PGR: variants seen among roughly 807,000 people sequenced by gnomAD.
PGR encodes the protein nuclear receptor subfamily 3 group C member 3.
Under a neutral mutation model 76.1 loss-of-function variants are expected in PGR, and 25 were observed. The observed-to-expected ratio is 0.33, with a 90% CI of 0.24 to 0.46. PGR has a LOEUF of 0.46. Among genes scored for constraint, PGR ranks in the 20% least tolerant of loss-of-function variants. The pLI is 1.00. For missense variants in PGR, 1,172 were observed against 1,225.3 expected (o/e 0.96, Z 0.65); for synonymous variants, 579 against 535.0 (o/e 1.08, Z -1.14).
At chr11:101,074,775 G>A (rs1429264228) in intron 3 of PGR, among the ~76,000 whole-genome samples, 1 of 152,136 alleles carries the variant, frequency 6.6e-6, no homozygotes, top group African/African-American at 2.4e-5. Flanking sequence ...CACGAGAAAT[G>A]TGAAGGACCC....
chr11:101,102,617 T>C (rs1377874639), intron 2 of PGR, among the ~76,000 whole-genome samples: 1 of 152,034 alleles, frequency 6.6e-6, no homozygotes, highest in Non-Finnish European at 1.5e-5. Context: ...AATATCTTCA[T>C]GAAGATCCAA....
At chr11:101,081,573 G>T (rs1861309570) in intron 3 of PGR, among the ~76,000 whole-genome samples, 1 of 152,152 alleles carries the variant, frequency 6.6e-6, no homozygotes, top group Non-Finnish European at 1.5e-5. Flanking sequence ...CTCAGCAGAG[G>T]TTTGCAAGCT....
intron 2 of PGR, among the ~76,000 whole-genome samples, chr11:101,092,559 T>C (rs749342852): frequency 1.3e-5 from 2 of 152,142 alleles, no homozygotes; most frequent in Non-Finnish European, 2.9e-5. Flanking sequence ...GTATAGACAA[T>C]ACACATCGCA....
At position 101,128,781 on chromosome 11, in the gene PGR, C is replaced by A; in HGVS notation, c.290G>T (p.Gly97Val). The change falls in exon 1 of 8, where the codon GGA becomes GTA. Residue 97 changes from glycine to valine, a missense_variant. Gly to Val is a moderately radical substitution (Grantham distance 109). This residue lies in a region of PGR where 893 missense variants were observed against 785.9 expected (regional missense o/e 1.14). Coordinates refer to ENST00000325455, the MANE Select transcript of PGR (RefSeq NM_000926.4). The stretch of plus-strand genomic sequence containing the variant: ...TTCTGGGGGACTAGAACTGCTGCCT[C>A]CAGCACCCCTTGTAGCTTCAGCTCT... ...YSRAEATRGA[G>V]GSSSSPPEKD... 6.2e-7 allele frequency: 1 copy of A among 1,614,126 alleles called. No homozygotes were observed. Among genetic ancestry groups the A allele is most frequent in the South Asian group, 1.1e-5 (1 of 91,086 alleles).
chr11:101,053,965 G>A (rs895160167), intron 4 of PGR, among the ~76,000 whole-genome samples: 9 of 152,058 alleles, frequency 5.9e-5, no homozygotes, highest in African/African-American at 1.9e-4. Context: ...TTGGCCCATG[G>A]AACATATACT....
chr11:101,095,190 T>C (rs1002457220), intron 2 of PGR, among the ~76,000 whole-genome samples: 1 of 152,234 alleles, frequency 6.6e-6, no homozygotes, highest in Non-Finnish European at 1.5e-5. Flanking sequence ...ATTTATACTT[T>C]TATAAAACTC....
At chr11:101,072,247 A>G (rs1860964417) in intron 3 of PGR, among the ~76,000 whole-genome samples, 1 of 152,182 alleles carries the variant, frequency 6.6e-6, no homozygotes, top group Admixed American at 6.5e-5. Context: ...AGCAAAGGAG[A>G]AATAAACTCC....
At chr11:101,067,742 A>G in intron 3 of PGR, among the ~76,000 whole-genome samples, 1 of 152,208 alleles carries the variant, frequency 6.6e-6, no homozygotes, top group East Asian at 1.9e-4. Context: ...AATGGGAGAT[A>G]CTCATACAAT....
At chr11:101,074,354 ACCC>A (rs1280709988) in intron 3 of PGR, among the ~76,000 whole-genome samples, 2 of 152,168 alleles carry the variant, frequency 1.3e-5, no homozygotes, top group Non-Finnish European at 2.9e-5. Flanking sequence ...TTTATGGCAA[ACCC>A]ACAGCGAATA....
chr11:101,107,380 C>T (rs1000157910), intron 2 of PGR, among the ~76,000 whole-genome samples: 1 of 152,136 alleles, frequency 6.6e-6, no homozygotes, highest in African/African-American at 2.4e-5. Flanking sequence ...CTTCCAAATG[C>T]CCTAATTATT....
At chr11:101,061,343 A>G (rs1190148330) in intron 4 of PGR, among the ~76,000 whole-genome samples, 1 of 152,180 alleles carries the variant, frequency 6.6e-6, no homozygotes, top group Admixed American at 6.5e-5. Context: ...TCTCCACTAG[A>G]ATACTGAATT....
chr11:101,086,624 A>G (rs1350943606), intron 3 of PGR, among the ~76,000 whole-genome samples: 1 of 152,174 alleles, frequency 6.6e-6, no homozygotes, highest in Admixed American at 6.5e-5. Flanking sequence ...GCATTCAAAC[A>G]TGAAAAAAAG....
intron 5 of PGR, 123 bp from the exon 6 acceptor site, chr11:101,050,182 C>A: frequency 1.1e-6 from 1 of 939,008 alleles, no homozygotes; most frequent in Non-Finnish European, 1.6e-6. Flanking sequence ...TTGAAAATGA[C>A]TACTACTTTT....
Position 101,030,540 on chromosome 11 carries a change from ATAAT to A in PGR, c.*8572_*8575del, listed in dbSNP as rs916950235. ...CTTTGAAAGTATGTGCTCAACTGAAATAATTAATCTTTGTGTTTTTCTCTTTGGC... is the reference window on the plus strand; with the variant it reads ...CTTTGAAAGTATGTGCTCAACTGAAATAATCTTTGTGTTTTTCTCTTTGGC... On this transcript the variant is annotated 3_prime_UTR_variant, in exon 8 of 8. Transcript: ENST00000325455. The A allele has an allele frequency of 1.1e-4, 26 of 228,770 alleles. No individual in the cohort carries two copies. The Admixed American group carries it at 1.2e-3, about 10-fold the overall frequency. The allele number at this position is 228,770 out of a possible 1,614,324, so 14.2% of individuals were successfully genotyped here.
intron 1 of PGR, among the ~76,000 whole-genome samples, 191 bp downstream of exon 1, chr11:101,127,243 C>T (rs1862868704): frequency 6.6e-6 from 1 of 151,724 alleles, no homozygotes; most frequent in Admixed American, 6.5e-5. Flanking sequence ...CTTCGTGTCC[C>T]CAAGAGTGAG....
At chr11:101,094,264 G>A (rs573925425) in intron 2 of PGR, among the ~76,000 whole-genome samples, 15 of 152,244 alleles carry the variant, frequency 9.9e-5, no homozygotes, top group African/African-American at 3.6e-4. Flanking sequence ...TTCCTATGTG[G>A]TAATTTGACT....
chr11:101,030,711 G>A lies in PGR; in HGVS notation c.*8405C>T, dbSNP rs1026249649. 1.9e-5 allele frequency: 4 copies of A among 207,712 alleles called. No homozygotes were observed. In the Admixed American group the frequency reaches 2.4e-4, roughly 12 times the overall value. The allele number at this position is 207,712 out of a possible 1,614,324, so 12.9% of individuals were successfully genotyped here. A position where few individuals can be genotyped will look rare whatever the true frequency, so the allele number is the denominator to read the frequency against. Reference sequence around the variant, plus strand: ...GTCTTTGAAATCCACAGAAAGGCAAGTCTGGAGATTAGGGCTTTCTCAAGC... The same window carrying A: ...GTCTTTGAAATCCACAGAAAGGCAAATCTGGAGATTAGGGCTTTCTCAAGC... On this transcript the variant is annotated 3_prime_UTR_variant, in exon 8 of 8. Coordinates refer to ENST00000325455, the MANE Select transcript of PGR (RefSeq NM_000926.4).
chr11:101,061,361 CT>C (rs1477561311), intron 4 of PGR, among the ~76,000 whole-genome samples: 5 of 152,084 alleles, frequency 3.3e-5, no homozygotes, highest in African/African-American at 4.8e-5. Flanking sequence ...ATTCTATTAA[CT>C]TTTCTTAATA....
Position 101,037,254 on chromosome 11 carries a change from C to T in PGR, c.*1862G>A, listed in dbSNP as rs898735164. On this transcript the variant is annotated 3_prime_UTR_variant, in exon 8 of 8. Transcript: ENST00000325455. ...TAAAATTATATGTAAATGTTTTGCACCTACCTAGTATACGTTGAGTGTACA... is the reference window on the plus strand; with the variant it reads ...TAAAATTATATGTAAATGTTTTGCATCTACCTAGTATACGTTGAGTGTACA... 3 of 213,652 alleles carry T rather than the reference C, an allele frequency of 1.4e-5. No individual in the cohort carries two copies. The highest frequency in any genetic ancestry group is 2.8e-5 in the Non-Finnish European group (3 of 105,734). The allele number at this position is 213,652 out of a possible 1,614,324, so 13.2% of individuals were successfully genotyped here. A position where few individuals can be genotyped will look rare whatever the true frequency, so the allele number is the denominator to read the frequency against.
Sources: gnomAD v4.1 joint callset for allele counts (sites outside exome capture counted in the v4.1 genomes callset) on GRCh38, gnomAD v4.1.1 for gene constraint, gnomAD v4.1.1 regional missense constraint, MANE v1.5 for transcripts, NCBI Gene and HGNC (gene_info 2026-07-23, HGNC 2026-07-21) for gene names.